The following VWA8 variants were observed in gnomAD, a reference collection of about 807,000 sequenced individuals.
VWA8 encodes the protein von Willebrand factor A domain containing 8, also known as von Willebrand factor A domain-containing protein 8.
A neutral mutation model predicts 241.5 loss-of-function variants in VWA8; 221 were observed. The observed-to-expected ratio is 0.91, with a 90% confidence interval of 0.82 to 1.02. VWA8 has a LOEUF of 1.02. VWA8 is among the 50% of genes least tolerant of loss of function. VWA8 has a pLI of 0.00. For missense variants in VWA8, 2,322 were observed against 2,328.7 expected, an observed-to-expected ratio of 1.00 and a Z score of 0.06; for synonymous variants, 852 against 827.1, an observed-to-expected ratio of 1.03 and a Z score of -0.52.
intron 12 of VWA8, among the ~76,000 whole-genome samples, chr13:41,847,432 TG>T (rs1193601436): frequency 6.6e-5 from 10 of 152,158 alleles, no homozygotes; most frequent in Admixed American, 3.3e-4. Flanking sequence ...TGACACAGCC[TG>T]TGAAAATGCC....
At chr13:41,756,934 A>G (rs1412698568) in intron 21 of VWA8, among the ~76,000 whole-genome samples, 1 of 151,776 alleles carries the variant, frequency 6.6e-6, no homozygotes, top group Non-Finnish European at 1.5e-5. Flanking sequence ...TCTGCTAAGA[A>G]TGAACTGCAA....
intron 9 of VWA8, among the ~76,000 whole-genome samples, chr13:41,878,943 A>G (rs548729214): frequency 8.5e-5 from 13 of 152,188 alleles, no homozygotes; most frequent in Non-Finnish European, 1.8e-4. Context: ...TAGACACTGA[A>G]TATCTTCTCT....
intron 12 of VWA8, among the ~76,000 whole-genome samples, chr13:41,848,291 G>C (rs1872375449): frequency 6.6e-6 from 1 of 152,112 alleles, no homozygotes; most frequent in Admixed American, 6.5e-5. Context: ...ATGGATTCAG[G>C]GAGAGTTACT....
chr13:41,812,225 A>C (rs1870503639), intron 16 of VWA8, among the ~76,000 whole-genome samples: 1 of 152,166 alleles, frequency 6.6e-6, no homozygotes, highest in African/African-American at 2.4e-5. Flanking sequence ...TTATTTAAAA[A>C]TCAGCCTCTT....
intron 37 of VWA8, among the ~76,000 whole-genome samples, chr13:41,655,493 G>C (rs538565731): frequency 1.7e-5 from 2 of 120,106 alleles, no homozygotes; most frequent in African/African-American, 8.0e-5. Context: ...GAGAGACAGA[G>C]AGAGAGAGAG....
At chr13:41,580,199 C>T (rs886844738) in intron 42 of VWA8, among the ~76,000 whole-genome samples, 3 of 152,120 alleles carry the variant, frequency 2.0e-5, no homozygotes, top group Non-Finnish European at 2.9e-5. Flanking sequence ...CAGCTACGCT[C>T]CCCTCCCATC....
chr13:41,711,656 C>T (rs1052801361), intron 26 of VWA8, among the ~76,000 whole-genome samples: 2 of 152,064 alleles, frequency 1.3e-5, no homozygotes, highest in Non-Finnish European at 2.9e-5. Flanking sequence ...GGGCAGATCA[C>T]GAGGTCAGGA....
chr13:41,638,960 A>G (rs1273865419), intron 37 of VWA8, among the ~76,000 whole-genome samples: 3 of 152,186 alleles, frequency 2.0e-5, no homozygotes, highest in African/African-American at 7.2e-5. Context: ...GACAAGAGAC[A>G]GGAGAGGCTG....
chr13:41,711,649 C>A (rs1310186225), intron 26 of VWA8, among the ~76,000 whole-genome samples: 1 of 152,096 alleles, frequency 6.6e-6, no homozygotes, highest in Non-Finnish European at 1.5e-5. Flanking sequence ...CCAAGGCGGG[C>A]AGATCACGAG....
rs74323345 is a variant in VWA8 at position 41,726,690 on chromosome 13, A to G, written c.2758+504T>C. ...AAGTCCACCACTCATTATCCCAGAC[A>G]CTATCAAAAAATAATCTCTCTGGGC... On this transcript the variant is annotated intron_variant, in intron 24 of 44. Coordinates refer to ENST00000379310, the MANE Select transcript of VWA8 (RefSeq NM_015058.2). Among the ~76,000 whole-genome samples the G allele has an allele frequency of 3.9e-5, 6 of 152,166 alleles. No homozygotes were observed. In the East Asian group the frequency reaches 1.2e-3, roughly 29 times the overall value.
intron 17 of VWA8, among the ~76,000 whole-genome samples, chr13:41,806,559 T>C (rs1358140188): frequency 6.6e-6 from 1 of 151,990 alleles, no homozygotes; most frequent in Non-Finnish European, 1.5e-5. Flanking sequence ...AAAAATTAGC[T>C]GGGCATGGTG....
At chr13:41,732,550 T>G (rs2045493352) in intron 21 of VWA8, among the ~76,000 whole-genome samples, 1 of 151,604 alleles carries the variant, frequency 6.6e-6, no homozygotes, top group Non-Finnish European at 1.5e-5. Context: ...ATGGCAAGTT[T>G]GGTAATGATT....
intron 17 of VWA8, among the ~76,000 whole-genome samples, chr13:41,793,404 A>T (rs1048886449): frequency 2.0e-5 from 3 of 152,176 alleles, no homozygotes; most frequent in Admixed American, 2.0e-4. Context: ...TAATAGATGG[A>T]AGTGAAAAGA....
intron 1 of VWA8, among the ~76,000 whole-genome samples, chr13:41,958,226 G>A (rs188241917): frequency 1.7e-3 from 258 of 152,196 alleles, no homozygotes; most frequent in Middle Eastern, 3.4e-3. Context: ...CTTAACAAAG[G>A]TCCTCTCTTG....
chr13:41,644,146 T>C (rs745522299), intron 37 of VWA8, among the ~76,000 whole-genome samples: 2 of 152,082 alleles, frequency 1.3e-5, no homozygotes, highest in Non-Finnish European at 2.9e-5. Context: ...GCCATTATAT[T>C]AAAGCAATTT....
chr13:41,658,428 T>C (rs1383920416), intron 37 of VWA8, among the ~76,000 whole-genome samples: 1 of 152,250 alleles, frequency 6.6e-6, no homozygotes, highest in Admixed American at 6.5e-5. Context: ...ATGCTCAGGA[T>C]CATTATATAA....
rs115358308 is a variant in VWA8 at position 41,847,489 on chromosome 13, C to T, written c.1426-13958G>A. On this transcript the variant is annotated intron_variant, in intron 12 of 44. Coordinates refer to ENST00000379310, the MANE Select transcript of VWA8 (RefSeq NM_015058.2). Reference sequence around the variant, plus strand: ...ACAGATTTAAGGGATTAAAAGTACCCAGTGAGACTGAAACATATCAGTAGA... The same window carrying T: ...ACAGATTTAAGGGATTAAAAGTACCTAGTGAGACTGAAACATATCAGTAGA... Among the ~76,000 whole-genome samples the T allele has an allele frequency of 6.3e-3, 963 of 152,244 alleles. 6 individuals carry two copies. The highest frequency in any genetic ancestry group is 0.022 in the African/African-American group (916 of 41,550).
In VWA8 at chr13:41,736,418, A is replaced by C. The variant is rs571946154; in HGVS notation, c.2427-4263T>G. Among the ~76,000 whole-genome samples, 8 of 152,314 alleles carry C rather than the reference A, an allele frequency of 5.3e-5. No homozygotes were observed. In the East Asian group the frequency reaches 1.5e-3, roughly 29 times the overall value. ...GTAATAAAAGCAATTAAATTGTGTA[A>C]AGACCAAGTTTTTATCAAAATAAGG... On this transcript the variant is annotated intron_variant, in intron 21 of 44. Transcript: ENST00000379310.
chr13:41,694,324 T>C (rs1380371885), intron 29 of VWA8, among the ~76,000 whole-genome samples: 2 of 152,054 alleles, frequency 1.3e-5, no homozygotes, highest in African/African-American at 4.8e-5. Flanking sequence ...CTTCACACCA[T>C]ATACTCTGAA....
Sources: gnomAD v4.1 joint callset for allele counts (sites outside exome capture counted in the v4.1 genomes callset) on GRCh38, gnomAD v4.1.1 for gene constraint, MANE v1.5 for transcripts, NCBI Gene and HGNC (gene_info 2026-07-23, HGNC 2026-07-21) for gene names.